CTNNA2: variants seen among roughly 807,000 people sequenced by gnomAD.
CTNNA2 encodes the protein catenin alpha 2, also known as catenin alpha-2.
CTNNA2 carries 42 observed loss-of-function variants against 101.0 expected under a neutral mutation model. The observed-to-expected ratio is 0.42, with a 90% CI of 0.32 to 0.54. CTNNA2 has a LOEUF of 0.54. Among genes scored for constraint, CTNNA2 ranks in the 20% least tolerant of loss-of-function variants. CTNNA2 has a pLI of 0.14. For missense variants in CTNNA2, 871 were observed against 1,223.1 expected (o/e 0.71, Z 4.29); for synonymous variants, 450 against 456.4 (o/e 0.99, Z 0.18).
chr2:79,581,656 C>A (rs1676155459), intron 1 of CTNNA2, among the ~76,000 whole-genome samples: 1 of 152,048 alleles, frequency 6.6e-6, no homozygotes, highest in Non-Finnish European at 1.5e-5. Flanking sequence ...CTGTTCACAA[C>A]AGTATGCCTT....
At chr2:80,165,006 T>C (rs963460332) in intron 7 of CTNNA2, among the ~76,000 whole-genome samples, 1 of 151,198 alleles carries the variant, frequency 6.6e-6, no homozygotes, top group Non-Finnish European at 1.5e-5. Context: ...GTAAAAGTGG[T>C]GTGCCTTAAT....
chr2:80,209,119 G>A (rs1004000152), intron 7 of CTNNA2, among the ~76,000 whole-genome samples: 1 of 151,800 alleles, frequency 6.6e-6, no homozygotes, highest in South Asian at 2.1e-4. Flanking sequence ...ACATCTTTGT[G>A]ATGAATGAAA....
chr2:79,217,929 C>T (rs190190593), intron 2 of CTNNA2, among the ~76,000 whole-genome samples: 304 of 152,246 alleles, frequency 2.0e-3, no homozygotes, highest in African/African-American at 7.0e-3. Flanking sequence ...ATAGCAGGTA[C>T]GGAGCACATG....
chr2:80,643,572 G>T (rs1321179578), intron 18 of CTNNA2, among the ~76,000 whole-genome samples: 1 of 152,114 alleles, frequency 6.6e-6, no homozygotes, highest in Non-Finnish European at 1.5e-5. Context: ...GGAAAAGATG[G>T]ATATGTCTTT....
intron 7 of CTNNA2, among the ~76,000 whole-genome samples, chr2:79,920,557 A>G (rs898093385): frequency 4.6e-5 from 7 of 152,184 alleles, no homozygotes; most frequent in Admixed American, 1.3e-4. Flanking sequence ...AATAATAAAG[A>G]AACAACATAA....
intron 7 of CTNNA2, among the ~76,000 whole-genome samples, chr2:80,088,242 G>A (rs1699571093): frequency 6.6e-6 from 1 of 151,948 alleles, no homozygotes; most frequent in Non-Finnish European, 1.5e-5. Context: ...TGTTTATTCA[G>A]GGCTCATTCT....
At chr2:79,561,115 T>A (rs1041066853) in intron 1 of CTNNA2, among the ~76,000 whole-genome samples, 1 of 152,082 alleles carries the variant, frequency 6.6e-6, no homozygotes, top group Non-Finnish European at 1.5e-5. Flanking sequence ...AGGCTTACTG[T>A]CTGCACAGTG....
At chr2:80,630,975 G>A (rs62152017) in intron 18 of CTNNA2, among the ~76,000 whole-genome samples, 16,707 of 152,196 alleles carry the variant, frequency 0.11, 1,598 homozygotes, top group African/African-American at 0.26. Flanking sequence ...GACTTCAGAT[G>A]TAACAGAAAT....
intron 4 of CTNNA2, among the ~76,000 whole-genome samples, chr2:79,466,102 G>T (rs1474455434): frequency 1.3e-5 from 2 of 152,244 alleles, no homozygotes; most frequent in African/African-American, 4.8e-5. Context: ...CCTCACCCAG[G>T]AAGTGCAAGG....
intron 7 of CTNNA2, among the ~76,000 whole-genome samples, chr2:80,105,025 T>A (rs1031442): frequency 6.6e-6 from 1 of 152,008 alleles, no homozygotes; most frequent in Non-Finnish European, 1.5e-5. Flanking sequence ...AGTTTTACAG[T>A]TTTGCTACTG....
intron 4 of CTNNA2, among the ~76,000 whole-genome samples, chr2:79,386,137 C>T (rs1478623648): frequency 6.6e-6 from 1 of 152,168 alleles, no homozygotes; most frequent in Non-Finnish European, 1.5e-5. Context: ...AACTAATTTA[C>T]ACTCCCACTA....
intron 2 of CTNNA2, among the ~76,000 whole-genome samples, chr2:79,710,218 A>T (rs749688961): frequency 1.3e-5 from 2 of 152,120 alleles, no homozygotes; most frequent in Non-Finnish European, 2.9e-5. Flanking sequence ...AAAAAAATGG[A>T]TGAGACTTCA....
chr2:79,563,283 A>T (rs1160449574), intron 1 of CTNNA2, among the ~76,000 whole-genome samples: 5 of 151,814 alleles, frequency 3.3e-5, no homozygotes, highest in African/African-American at 1.2e-4. Context: ...TATATAATTT[A>T]TGATGGGATT....
intron 2 of CTNNA2, among the ~76,000 whole-genome samples, chr2:79,678,734 C>T (rs985495647): frequency 2.0e-5 from 3 of 151,808 alleles, no homozygotes; most frequent in Non-Finnish European, 4.4e-5. Flanking sequence ...TCTTTTGCAT[C>T]TTTCAAGACA....
At chr2:79,371,653 A>AAATTCT (rs1292935690) in intron 3 of CTNNA2, among the ~76,000 whole-genome samples, 1 of 152,140 alleles carries the variant, frequency 6.6e-6, no homozygotes, top group Non-Finnish European at 1.5e-5. Context: ...ACATGGTTAA[A>AAATTCT]AATTCTAGGT....
intron 4 of CTNNA2, among the ~76,000 whole-genome samples, chr2:79,471,755 C>T (rs991742032): frequency 7.2e-5 from 11 of 151,944 alleles, no homozygotes; most frequent in African/African-American, 2.7e-4. Context: ...GAAGAACGGC[C>T]TGAACCCAGG....
rs935614536 is a variant in CTNNA2 at position 79,353,661 on chromosome 2, A to G, written c.-317-20170A>G. 3.3e-5 allele frequency among the ~76,000 whole-genome samples: 5 copies of G among 152,266 alleles called. No individual in the cohort carries two copies. The Middle Eastern group carries it at 0.017, about 518-fold the overall frequency. On this transcript the variant is annotated intron_variant, in intron 3 of 21. Transcript: ENST00000466387. ...CCAATTTAAGTGGGATATTTGGAACATTACATTCAAGATTAATATTGATAC... is the reference window on the plus strand; with the variant it reads ...CCAATTTAAGTGGGATATTTGGAACGTTACATTCAAGATTAATATTGATAC...
intron 13 of CTNNA2, 47 bp downstream of exon 13, chr2:80,574,361 G>A (rs1470151422): frequency 6.7e-7 from 1 of 1,501,610 alleles, no homozygotes; most frequent in Non-Finnish European, 9.0e-7. Context: ...CTCCTAGTAG[G>A]AAACTAAAGA....
rs1247474647 is a variant in CTNNA2 at position 80,096,591 on chromosome 2, A to G, written c.1056+186794A>G. ...ACTTTCTGTCTTGTTGATCTGTCTA[A>G]TGTTGACAGTGGGGTGTTAAAGTCT... On this transcript the variant is annotated intron_variant, in intron 7 of 18. Transcript: ENST00000402739. Among the ~76,000 whole-genome samples the G allele has an allele frequency of 2.0e-5, 3 of 152,090 alleles. No homozygotes were observed. The South Asian group carries it at 6.2e-4, about 32-fold the overall frequency.
Sources: allele counts gnomAD v4.1 joint callset (sites outside exome capture counted in the v4.1 genomes callset), GRCh38; gene constraint gnomAD v4.1.1; transcripts MANE v1.5; gene names NCBI Gene and HGNC (gene_info 2026-07-23, HGNC 2026-07-21).